The following CR1 variants were observed in gnomAD, a reference collection of about 807,000 sequenced individuals.
The protein encoded by CR1 is complement receptor type 1.
Under a neutral mutation model 187.3 loss-of-function variants are expected in CR1, and 116 were observed. That is an observed-to-expected ratio of 0.62 (90% CI 0.53 to 0.72). The LOEUF (loss-of-function observed/expected upper bound fraction) is 0.72. Ranked by LOEUF, CR1 falls within the 30% of genes least tolerant of loss-of-function variation. The pLI is 0.00. For missense variants in CR1, 1,731 were observed against 2,110.7 expected (o/e 0.82, Z 3.52); for synonymous variants, 576 against 747.1 (o/e 0.77, Z 3.73).
chr1:207,520,437 A>G (rs2102301854), intron 4 of CR1, among the ~76,000 whole-genome samples: 1 of 152,314 alleles, frequency 6.6e-6, no homozygotes, highest in Admixed American at 6.5e-5. Flanking sequence ...TCCCCATGGG[A>G]GATACCTTGG....
chr1:207,617,585 A>ATGTG, intron 41 of CR1, among the ~76,000 whole-genome samples: 1 of 40,800 alleles, frequency 2.5e-5, no homozygotes, highest in South Asian at 1.1e-3. Context: ...GTGTATATAT[A>ATGTG]TATATATATA....
At chr1:207,607,919 A>G (rs1261937805) in intron 36 of CR1, among the ~76,000 whole-genome samples, 1 of 152,188 alleles carries the variant, frequency 6.6e-6, no homozygotes, top group Non-Finnish European at 1.5e-5. Flanking sequence ...AAATTGGCAA[A>G]GTGTTATAGC....
intron 33 of CR1, among the ~76,000 whole-genome samples, chr1:207,586,530 G>C (rs1439788956): frequency 6.6e-6 from 1 of 152,184 alleles, no homozygotes; most frequent in African/African-American, 2.4e-5. Context: ...CCACAAACTA[G>C]GTGGCTTAAA....
At chr1:207,501,242 T>A (rs1312916817) in intron 1 of CR1, among the ~76,000 whole-genome samples, 1 of 152,182 alleles carries the variant, frequency 6.6e-6, no homozygotes, top group African/African-American at 2.4e-5. Flanking sequence ...GAAGTGGATG[T>A]TTGGATGGAT....
At chr1:207,499,706 A>G (rs1339181042) in intron 1 of CR1, among the ~76,000 whole-genome samples, 1 of 152,212 alleles carries the variant, frequency 6.6e-6, no homozygotes, top group Non-Finnish European at 1.5e-5. Flanking sequence ...CGTGGTCCTC[A>G]TATAGGATCT....
chr1:207,611,545 C>A (rs1393512898), intron 37 of CR1, 132 bp from the exon 38 acceptor site: 139 of 1,334,584 alleles, frequency 1.0e-4, no homozygotes, highest in Non-Finnish European at 7.1e-6. Context: ...GATGTGGCTA[C>A]TGAACTACCA....
At chr1:207,591,451 T>C (rs554720628) in intron 35 of CR1, among the ~76,000 whole-genome samples, 2 of 151,672 alleles carry the variant, frequency 1.3e-5, no homozygotes, top group East Asian at 3.9e-4. Flanking sequence ...AGCCAAAGAG[T>C]GTTTAGAGCA....
chr1:207,567,056 A>G (rs1211617612), intron 24 of CR1, among the ~76,000 whole-genome samples: 1 of 150,296 alleles, frequency 6.7e-6, no homozygotes, highest in African/African-American at 2.5e-5. Flanking sequence ...CTTATTTTTC[A>G]TAACTCTTGC....
chr1:207,579,292 T>C (rs1306351868), intron 29 of CR1, among the ~76,000 whole-genome samples: 1 of 152,162 alleles, frequency 6.6e-6, no homozygotes, highest in Non-Finnish European at 1.5e-5. Flanking sequence ...GGTTGATACA[T>C]AGGGACAGAG....
chr1:207,594,325 C>T (rs906162715), intron 35 of CR1, among the ~76,000 whole-genome samples: 18 of 152,042 alleles, frequency 1.2e-4, no homozygotes, highest in Non-Finnish European at 2.6e-4. Flanking sequence ...AAGCTAGAAA[C>T]CATCATTCTC....
At chr1:207,631,404 A>AAG (rs1662641867) in intron 46 of CR1, among the ~76,000 whole-genome samples, 2 of 152,198 alleles carry the variant, frequency 1.3e-5, no homozygotes, top group Admixed American at 1.3e-4. Context: ...GCTCCCTTTT[A>AAG]TACTACAACA....
chr1:207,610,378 G>T (rs1263752051), intron 37 of CR1, among the ~76,000 whole-genome samples: 2 of 152,160 alleles, frequency 1.3e-5, no homozygotes. Flanking sequence ...TGTTGCCCAG[G>T]CTGGAGTACA....
intron 28 of CR1, among the ~76,000 whole-genome samples, chr1:207,576,530 A>T (rs1442506501): frequency 6.6e-6 from 1 of 152,232 alleles, no homozygotes; most frequent in African/African-American, 2.4e-5. Context: ...TAAAGATGTT[A>T]TACTGAGCCA....
In CR1 at chr1:207,506,724, T is replaced by C; in HGVS notation, c.312T>C (p.Cys104=). ...GTTTCTTTCCTGTAGGTAAATCATG[T>C]CGTAATCCTCCAGATCCTGTGAATG... is the stretch of plus-strand genomic sequence containing the variant. The part of the protein sequence containing the change: ...GAKDRCRRKS[C]RNPPDPVNGM... Residue 104 remains cysteine, a synonymous_variant, in exon 3 of 47, where the codon TGT becomes TGC. Coordinates refer to ENST00000367049, the MANE Select transcript of CR1 (RefSeq NM_000651.6). 1 of 1,613,506 alleles carries C rather than the reference T, an allele frequency of 6.2e-7. No individual in the cohort carries two copies.
chr1:207,621,904 G>C, intron 43 of CR1, 69 bp from the exon 44 acceptor site: 1 of 1,314,504 alleles, frequency 7.6e-7, no homozygotes, highest in Admixed American at 2.3e-5. Context: ...ACTTGTCACT[G>C]GCTGAGAGGT....
chr1:207,574,186 G>A (rs1250801841), intron 27 of CR1, among the ~76,000 whole-genome samples: 1 of 152,072 alleles, frequency 6.6e-6, no homozygotes, highest in Admixed American at 6.6e-5. Context: ...CAAAATACAT[G>A]TAGCAAAAAT....
chr1:207,639,716 GC>G lies in CR1; in HGVS notation c.*309del, dbSNP rs1662924090. ...GGATTACTTAAAGGAATAAGGTGTT[GC>G]CTGGAATTTCTGGTTTGTAAGGTGG... On this transcript the variant is annotated 3_prime_UTR_variant, in exon 47 of 47. Transcript: ENST00000367049. 2 of 248,968 alleles carry G rather than the reference GC, an allele frequency of 8.0e-6. No homozygotes were observed. Among genetic ancestry groups the G allele is most frequent in the South Asian group, 3.1e-4 (2 of 6,476 alleles). The allele number at this position is 248,968 out of a possible 1,614,324, so 15.4% of individuals were successfully genotyped here. A position where few individuals can be genotyped will look rare whatever the true frequency, so the allele number is the denominator to read the frequency against.
In CR1 at chr1:207,580,507, C is replaced by G. The variant is rs769664607; in HGVS notation, c.5114-4C>G. The G allele has an allele frequency of 1.3e-6, 2 of 1,561,602 alleles. No individual in the cohort carries two copies. The highest frequency in any genetic ancestry group is 1.2e-5 in the South Asian group (1 of 83,030). On this transcript the variant is annotated splice_polypyrimidine_tract_variant and splice_region_variant and intron_variant, in intron 30 of 46. Transcript: ENST00000367049. ...TTTTCTTTTTTTTTTTTTTCTTCTT[C>G]TAGTGAAATCCTGTGATGACTTCTT...
At chr1:207,619,051 A>AAAAAAAGAAAAG (rs1553301635) in intron 42 of CR1, among the ~76,000 whole-genome samples, 1 of 50,358 alleles carries the variant, frequency 2.0e-5, no homozygotes, top group Non-Finnish European at 8.3e-5. Flanking sequence ...AAAAAAAAAA[A>AAAAAAAGAAAAG]AAAAGAAAAG....
Sources: allele counts gnomAD v4.1 joint callset (sites outside exome capture counted in the v4.1 genomes callset), GRCh38; gene constraint gnomAD v4.1.1; transcripts MANE v1.5; gene names NCBI Gene and HGNC (gene_info 2026-07-23, HGNC 2026-07-21).